The following TMTC1 variants were observed in gnomAD, a reference collection of about 807,000 sequenced individuals.
TMTC1 encodes the protein protein O-mannosyl-transferase TMTC1.
In TMTC1, 73 loss-of-function variants were observed where a neutral mutation model predicts 104.8. That is an observed-to-expected ratio of 0.70 (90% confidence interval 0.58 to 0.85). The LOEUF (loss-of-function observed/expected upper bound fraction) is 0.85, where lower values mean the gene tolerates loss of function less well. TMTC1 is among the 40% of genes least tolerant of loss of function. TMTC1 has a pLI of 0.00. For missense variants in TMTC1, 1,035 were observed against 1,096.1 expected (o/e 0.94, Z 0.79); for synonymous variants, 434 against 428.7 (o/e 1.01, Z -0.15).
At position 29,506,990 on chromosome 12, in the gene TMTC1, G is replaced by C; in HGVS notation, c.2509-4C>G. 6.2e-7 allele frequency: 1 copy of C among 1,612,740 alleles called. No homozygotes were observed. Among genetic ancestry groups the C allele is most frequent in the East Asian group, 2.2e-5 (1 of 44,874 alleles). On this transcript the variant is annotated splice_region_variant and splice_polypyrimidine_tract_variant and intron_variant, in intron 17 of 17. Transcript: ENST00000539277. Reference sequence around the variant, plus strand: ...CTCTTGCAGACACATATTTTCCCTGGGGGTGGGAAAGAGGGAGCAATTACA... The same window carrying C: ...CTCTTGCAGACACATATTTTCCCTGCGGGTGGGAAAGAGGGAGCAATTACA...
At chr12:29,619,377 G>A (rs1252744547) in intron 6 of TMTC1, among the ~76,000 whole-genome samples, 1 of 152,184 alleles carries the variant, frequency 6.6e-6, no homozygotes, top group Admixed American at 6.5e-5. Context: ...CGAGGAAAGA[G>A]GATTTGTAAA....
chr12:29,542,665 T>C (rs1291829373), intron 10 of TMTC1, among the ~76,000 whole-genome samples: 2 of 152,108 alleles, frequency 1.3e-5, no homozygotes, highest in Non-Finnish European at 2.9e-5. Context: ...CATGGATCAA[T>C]TGATCCTGCA....
intron 4 of TMTC1, among the ~76,000 whole-genome samples, chr12:29,752,162 CTTCT>C (rs1244386847): frequency 6.8e-6 from 1 of 147,584 alleles, no homozygotes; most frequent in African/African-American, 2.5e-5. Flanking sequence ...CAAACACACA[CTTCT>C]TCACCCCTCA....
intron 5 of TMTC1, among the ~76,000 whole-genome samples, chr12:29,727,081 T>G (rs1459125955): frequency 6.6e-6 from 1 of 152,194 alleles, no homozygotes; most frequent in East Asian, 1.9e-4. Context: ...AATGTCAAAA[T>G]GCAGCATAAA....
Position 29,744,511 on chromosome 12 carries a change from T to C in TMTC1, c.938+7155A>G, listed in dbSNP as rs74082506. ...AGTGCTAACTTTTGAATGAAGCCAATAAGCACGTTGTTGAAATGATCCACT... is the reference window on the plus strand; with the variant it reads ...AGTGCTAACTTTTGAATGAAGCCAACAAGCACGTTGTTGAAATGATCCACT... On this transcript the variant is annotated intron_variant, in intron 5 of 17. Coordinates refer to ENST00000539277, the MANE Select transcript of TMTC1 (RefSeq NM_001193451.2). Among the ~76,000 whole-genome samples, 812 of 152,336 alleles carry C rather than the reference T, an allele frequency of 5.3e-3. 13 individuals are homozygous for C. The highest frequency in any genetic ancestry group is 0.017 in the African/African-American group (722 of 41,586).
At chr12:29,670,046 T>C (rs993444295) in intron 5 of TMTC1, among the ~76,000 whole-genome samples, 11 of 152,216 alleles carry the variant, frequency 7.2e-5, no homozygotes, top group African/African-American at 2.7e-4. Context: ...TCCAAGTTTG[T>C]TGCAAACCAA....
intron 6 of TMTC1, among the ~76,000 whole-genome samples, chr12:29,631,922 T>C (rs1377202238): frequency 1.3e-5 from 2 of 152,222 alleles, no homozygotes; most frequent in Admixed American, 1.3e-4. Context: ...CTCAAGCCAG[T>C]GAATTTTCCA....
At chr12:29,580,136 G>A (rs1263347776) in intron 8 of TMTC1, among the ~76,000 whole-genome samples, 2 of 152,108 alleles carry the variant, frequency 1.3e-5, no homozygotes, top group Non-Finnish European at 2.9e-5. Flanking sequence ...GGGCAACACA[G>A]TAATAACTGT....
intron 5 of TMTC1, among the ~76,000 whole-genome samples, chr12:29,675,486 C>G (rs1940688944): frequency 6.6e-6 from 1 of 152,070 alleles, no homozygotes. Context: ...GTGTGCCATC[C>G]TCTAGTAAGC....
chr12:29,640,387 A>G (rs1470369084), intron 5 of TMTC1, among the ~76,000 whole-genome samples: 1 of 152,144 alleles, frequency 6.6e-6, no homozygotes, highest in Non-Finnish European at 1.5e-5. Flanking sequence ...TGCAAGAACA[A>G]ATCAGCAATC....
chr12:29,651,904 A>C (rs541754366), intron 5 of TMTC1, among the ~76,000 whole-genome samples: 38 of 128,888 alleles, frequency 2.9e-4, no homozygotes, highest in African/African-American at 6.3e-4. Flanking sequence ...AACTTGCCCA[A>C]AAAAAAAAAA....
intron 16 of TMTC1, among the ~76,000 whole-genome samples, chr12:29,513,918 C>T (rs994577486): frequency 6.6e-5 from 10 of 152,070 alleles, no homozygotes; most frequent in East Asian, 5.8e-4. Flanking sequence ...GGTTAGGGGA[C>T]GGACCTAATA....
chr12:29,720,147 A>C (rs1242219775), intron 5 of TMTC1, among the ~76,000 whole-genome samples: 2 of 152,056 alleles, frequency 1.3e-5, no homozygotes, highest in Admixed American at 1.3e-4. Flanking sequence ...TCATGTTTGA[A>C]CTCCATTCAT....
intron 5 of TMTC1, among the ~76,000 whole-genome samples, chr12:29,697,672 G>C (rs904183567): frequency 1.3e-5 from 2 of 152,188 alleles, no homozygotes; most frequent in East Asian, 1.9e-4. Context: ...AGACACAGGA[G>C]AGTCAATGCC....
Position 29,689,489 on chromosome 12 carries a change from T to G in TMTC1, c.939-56153A>C, listed in dbSNP as rs552763567. On this transcript the variant is annotated intron_variant, in intron 5 of 17. Transcript: ENST00000539277. Reference sequence around the variant, plus strand: ...CCACCACACCTGGCTAAGTTTTGTATTTTTAGTAGAGATGGGGGTTTCACC... The same window carrying G: ...CCACCACACCTGGCTAAGTTTTGTAGTTTTAGTAGAGATGGGGGTTTCACC... Among the ~76,000 whole-genome samples, 197 of 152,224 alleles carry G rather than the reference T, an allele frequency of 1.3e-3. 2 individuals carry two copies. The highest frequency in any genetic ancestry group is 2.5e-3 in the Admixed American group (38 of 15,284).
intron 9 of TMTC1, among the ~76,000 whole-genome samples, chr12:29,558,424 T>A (rs299482): frequency 0.88 from 133,649 of 152,176 alleles, 60,694 homozygotes; most frequent in Non-Finnish European, 0.99. Context: ...CAATTTGCAC[T>A]GCTTTTTAAT....
chr12:29,612,517 C>T (rs1002501148), intron 6 of TMTC1, among the ~76,000 whole-genome samples: 7 of 152,168 alleles, frequency 4.6e-5, no homozygotes, highest in African/African-American at 7.2e-5. Context: ...TGGGTTCAAG[C>T]AATTTTCCCA....
At chr12:29,768,223 C>T (rs1056805886) in intron 1 of TMTC1, 148 bp from the exon 2 acceptor site, 1 of 677,570 alleles carries the variant, frequency 1.5e-6, no homozygotes, top group African/African-American at 1.8e-5. Context: ...TATTTTTTAG[C>T]CTTGGGTATG....
intron 6 of TMTC1, among the ~76,000 whole-genome samples, chr12:29,608,178 G>GA (rs1185296541): frequency 4.6e-5 from 7 of 152,114 alleles, no homozygotes; most frequent in East Asian, 1.9e-4. Context: ...GTAAAGTTGG[G>GA]AAAAAAAGTG....
Sources: allele counts gnomAD v4.1 joint callset (sites outside exome capture counted in the v4.1 genomes callset), GRCh38; gene constraint gnomAD v4.1.1; transcripts MANE v1.5; gene names NCBI Gene and HGNC (gene_info 2026-07-23, HGNC 2026-07-21).